Variants in EEIG1 observed in about 807,000 individuals in gnomAD.
EEIG1 encodes estrogen-induced osteoclastogenesis regulator 1, also known as early estrogen-induced gene 1 protein.
the EEIG1 span, chr9:127,953,704 C>G: frequency 1.2e-6 from 2 of 1,603,952 alleles, no homozygotes; most frequent in African/African-American, 2.7e-5. Context: ...AGGAGGGCAA[C>G]GGGCAGAGCA....
chr9:127,975,552 G>A, the EEIG1 span, among the ~76,000 whole-genome samples: 1 of 152,082 alleles, frequency 6.6e-6, no homozygotes, highest in Non-Finnish European at 1.5e-5. Flanking sequence ...TCAGAGCCAG[G>A]CCCAAGTCCA....
At chr9:127,943,048 C>T in the EEIG1 span, 18 of 739,956 alleles carry the variant, frequency 2.4e-5, no homozygotes, top group Admixed American at 8.2e-5. Context: ...AATGATGCTA[C>T]GGGGAGTGTG....
chr9:127,948,166 G>A, the EEIG1 span: 11 of 1,614,034 alleles, frequency 6.8e-6, no homozygotes, highest in Middle Eastern at 1.7e-4. Flanking sequence ...ACCCTTACAC[G>A]TCAGCTGCAG....
the EEIG1 span, chr9:127,980,019 C>T: frequency 6.2e-7 from 1 of 1,613,380 alleles, no homozygotes; most frequent in African/African-American, 1.3e-5. Context: ...AAAATCCCCT[C>T]CATCCAGCAG....
the EEIG1 span, among the ~76,000 whole-genome samples, chr9:127,968,568 G>C: frequency 6.6e-6 from 1 of 152,172 alleles, no homozygotes; most frequent in Non-Finnish European, 1.5e-5. Context: ...GCTCCCCTAA[G>C]CCTTCTTGTG....
chr9:127,950,949 T>C, the EEIG1 span, among the ~76,000 whole-genome samples: 1 of 151,868 alleles, frequency 6.6e-6, no homozygotes, highest in Admixed American at 6.6e-5. Flanking sequence ...GGGAAAGTGA[T>C]GGGACACCCC....
chr9:127,943,355 C>A, the EEIG1 span: 1 of 974,796 alleles, frequency 1.0e-6, no homozygotes, highest in South Asian at 1.3e-5. Context: ...CCCTGTGTTG[C>A]AAAGGGGCTA....
chr9:127,980,258 C>A, the EEIG1 span: 2 of 1,126,962 alleles, frequency 1.8e-6, no homozygotes, highest in Non-Finnish European at 2.5e-6. Flanking sequence ...CTGATGGTGG[C>A]GGAGACGGCG....
the EEIG1 span, among the ~76,000 whole-genome samples, chr9:127,976,806 C>T: frequency 6.6e-6 from 1 of 151,226 alleles, no homozygotes; most frequent in Admixed American, 6.6e-5. The surrounding 1 kb of genome is among the most constrained non-coding windows in gnomAD (Gnocchi z 4.1). Flanking sequence ...CTGACACCAC[C>T]CATGCTGCCA....
chr9:127,956,610 T>C, the EEIG1 span, among the ~76,000 whole-genome samples: 2 of 152,192 alleles, frequency 1.3e-5, no homozygotes, highest in South Asian at 4.2e-4. Context: ...GGGGTTTCAC[T>C]GTGTTGGCCG....
the EEIG1 span, among the ~76,000 whole-genome samples, chr9:127,980,748 C>A: frequency 3.3e-5 from 5 of 149,840 alleles, no homozygotes; most frequent in African/African-American, 1.2e-4. Context: ...GGGGTCGCTG[C>A]GGGCCGGGAA....
chr9:127,942,756 C>A, the EEIG1 span: 5 of 206,282 alleles, frequency 2.4e-5, no homozygotes, highest in Non-Finnish European at 5.0e-5. Flanking sequence ...GCTGCTAAGA[C>A]GTGACCAAAG....
chr9:127,965,456 A>T, the EEIG1 span, among the ~76,000 whole-genome samples: 1 of 152,210 alleles, frequency 6.6e-6, no homozygotes, highest in Non-Finnish European at 1.5e-5. Flanking sequence ...GCGCTCTGAC[A>T]GGCGTGTGGA....
the EEIG1 span, chr9:127,948,159 C>T: frequency 6.2e-7 from 1 of 1,614,074 alleles, no homozygotes; most frequent in Admixed American, 1.7e-5. Flanking sequence ...TCCCACCACC[C>T]TTACACGTCA....
At chr9:127,956,009 T>G in the EEIG1 span, among the ~76,000 whole-genome samples, 9 of 152,140 alleles carry the variant, frequency 5.9e-5, no homozygotes, top group Non-Finnish European at 1.3e-4. Context: ...ACCTAGCTTG[T>G]TAGGAGGGTG....
chr9:127,969,940 A>G, the EEIG1 span, among the ~76,000 whole-genome samples: 1 of 152,130 alleles, frequency 6.6e-6, no homozygotes, highest in Admixed American at 6.5e-5. Flanking sequence ...TTTCTGGCAC[A>G]GAGACGTGCA....
At chr9:127,948,022 A>G in the EEIG1 span, 1 of 1,569,590 alleles carries the variant, frequency 6.4e-7, no homozygotes, top group Non-Finnish European at 8.7e-7. Flanking sequence ...ATGGAGGTAA[A>G]CCCCTCGGGC....
At chr9:127,950,595 C>T in the EEIG1 span, 12 of 1,591,340 alleles carry the variant, frequency 7.5e-6, no homozygotes, top group African/African-American at 2.7e-5. Context: ...TCCTGGCTGG[C>T]GGAAGCCCAG....
chr9:127,964,830 G>A, the EEIG1 span, among the ~76,000 whole-genome samples: 11 of 152,128 alleles, frequency 7.2e-5, no homozygotes, highest in Non-Finnish European at 1.6e-4. Flanking sequence ...AGCCAGGCGC[G>A]GTGGCTCACA....
Sources: gnomAD v4.1 joint callset for allele counts (sites outside exome capture counted in the v4.1 genomes callset) on GRCh38, gnomAD v4.1.1 for gene constraint, Gnocchi (gnomAD v3.1) non-coding constraint, MANE v1.5 for transcripts, NCBI Gene and HGNC (gene_info 2026-07-23, HGNC 2026-07-21) for gene names.